The following GPC6 variants were observed in gnomAD, a reference collection of about 807,000 sequenced individuals.
GPC6 encodes the protein glypican-6.
A neutral mutation model predicts 55.2 loss-of-function variants in GPC6; 14 were observed. The ratio of observed to expected loss-of-function variants is 0.25; its 90% CI spans 0.17 to 0.40. The LOEUF is 0.40. GPC6 is among the 10% of genes least tolerant of loss of function. The pLI is 1.00. For missense variants in GPC6, 641 were observed against 708.5 expected, an observed-to-expected ratio of 0.90 and a Z score of 1.08; for synonymous variants, 278 against 259.6, an observed-to-expected ratio of 1.07 and a Z score of -0.68.
At chr13:94,088,567 G>A (rs1343885721) in intron 4 of GPC6, among the ~76,000 whole-genome samples, 1 of 104,116 alleles carries the variant, frequency 9.6e-6, no homozygotes, top group Non-Finnish European at 2.1e-5. Context: ...AAGGGCAGGG[G>A]AGGGGAAGGG....
chr13:93,235,579 G>A (rs914873835), intron 1 of GPC6, among the ~76,000 whole-genome samples: 2 of 152,050 alleles, frequency 1.3e-5, no homozygotes, highest in African/African-American at 4.8e-5. Context: ...CTCAGAGGAG[G>A]ATGAGAGGAG....
intron 1 of GPC6, among the ~76,000 whole-genome samples, chr13:93,363,501 A>C (rs1253985199): frequency 6.6e-6 from 1 of 151,920 alleles, no homozygotes; most frequent in Non-Finnish European, 1.5e-5. Flanking sequence ...TCCATGGTGT[A>C]TATGTGCCAC....
chr13:93,245,853 G>A (rs988399821), intron 1 of GPC6, among the ~76,000 whole-genome samples: 2 of 152,176 alleles, frequency 1.3e-5, no homozygotes, highest in Non-Finnish European at 2.9e-5. Context: ...AGCAGAATGG[G>A]ACCAGAGCAG....
At chr13:94,149,622 T>C (rs1249535984) in intron 4 of GPC6, among the ~76,000 whole-genome samples, 1 of 152,104 alleles carries the variant, frequency 6.6e-6, no homozygotes, top group African/African-American at 2.4e-5. Context: ...GGAATCGTGA[T>C]GTTTCCTAAT....
chr13:93,787,232 A>T (rs1209894265), intron 2 of GPC6, among the ~76,000 whole-genome samples: 1 of 152,196 alleles, frequency 6.6e-6, no homozygotes, highest in Non-Finnish European at 1.5e-5. Flanking sequence ...AAAATAAACA[A>T]ATACTACTTT....
chr13:93,468,660 G>T lies in GPC6; in HGVS notation c.161-76603G>T, dbSNP rs559445977. ...ATATTCAGCAATGCACACAGCCCTA[G>T]AGAAGAGCATGCATAATATTCAGGC... On this transcript the variant is annotated intron_variant, in intron 1 of 8. Coordinates refer to ENST00000377047, the MANE Select transcript of GPC6 (RefSeq NM_005708.5). Among the ~76,000 whole-genome samples, 13 of 152,218 alleles carry T rather than the reference G, an allele frequency of 8.5e-5. 2 individuals are homozygous for T. Among genetic ancestry groups the T allele is most frequent in the African/African-American group, 3.1e-4 (13 of 41,542 alleles).
At chr13:93,876,083 T>C (rs972584309) in intron 3 of GPC6, among the ~76,000 whole-genome samples, 1 of 151,994 alleles carries the variant, frequency 6.6e-6, no homozygotes, top group Non-Finnish European at 1.5e-5. Flanking sequence ...ATCAAACAAA[T>C]AGCTTGTGTC....
At chr13:93,638,290 C>T (rs986772531) in intron 2 of GPC6, among the ~76,000 whole-genome samples, 1 of 152,026 alleles carries the variant, frequency 6.6e-6, no homozygotes, top group African/African-American at 2.4e-5. Context: ...AGGCATAGCC[C>T]TTTTATGCAA....
At chr13:94,116,765 G>C (rs1886446075) in intron 4 of GPC6, among the ~76,000 whole-genome samples, 1 of 152,006 alleles carries the variant, frequency 6.6e-6, no homozygotes, top group Non-Finnish European at 1.5e-5. Context: ...CAGTTGCCTA[G>C]ACACTGCCTT....
chr13:93,872,350 G>A (rs1889155540), intron 3 of GPC6, among the ~76,000 whole-genome samples: 1 of 151,918 alleles, frequency 6.6e-6, no homozygotes, highest in African/African-American at 2.4e-5. Context: ...ATTAAGAATA[G>A]CAACAGTTGT....
intron 6 of GPC6, among the ~76,000 whole-genome samples, chr13:94,361,997 C>T (rs557818569): frequency 6.6e-6 from 1 of 152,140 alleles, no homozygotes; most frequent in Non-Finnish European, 1.5e-5. Flanking sequence ...TTTTACTGTT[C>T]TGGATCTAAG....
chr13:94,187,724 G>C (rs1889251929), intron 4 of GPC6: 1 of 151,494 alleles, frequency 6.6e-6, no homozygotes, highest in African/African-American at 2.4e-5. Flanking sequence ...AGAGTCCAGT[G>C]GAAAGGAAAA....
chr13:94,026,556 G>A (rs953392487), intron 3 of GPC6, among the ~76,000 whole-genome samples: 1 of 151,964 alleles, frequency 6.6e-6, no homozygotes, highest in Non-Finnish European at 1.5e-5. Context: ...AATGAATATG[G>A]CAACAATTTT....
chr13:93,678,847 A>G (rs1429098065), intron 2 of GPC6, among the ~76,000 whole-genome samples: 2 of 152,036 alleles, frequency 1.3e-5, no homozygotes, highest in African/African-American at 4.8e-5. Flanking sequence ...TGGAATGGAC[A>G]ACCTGGGTCC....
chr13:94,032,705 G>A (rs1390551160), intron 4 of GPC6, among the ~76,000 whole-genome samples: 1 of 152,180 alleles, frequency 6.6e-6, no homozygotes, highest in Non-Finnish European at 1.5e-5. Context: ...GGGGAAGCCA[G>A]CAAAGCCGCT....
intron 1 of GPC6, among the ~76,000 whole-genome samples, chr13:93,358,477 A>G (rs1428569061): frequency 6.6e-6 from 1 of 152,162 alleles, no homozygotes; most frequent in Non-Finnish European, 1.5e-5. Context: ...AATGAGGACA[A>G]TGAGACACAA....
chr13:93,330,370 A>G (rs1278244827), intron 1 of GPC6, among the ~76,000 whole-genome samples: 7 of 152,098 alleles, frequency 4.6e-5, no homozygotes, highest in Non-Finnish European at 1.0e-4. Flanking sequence ...ACCAAGAAAA[A>G]GAAAAAGCCA....
intron 2 of GPC6, among the ~76,000 whole-genome samples, chr13:93,562,637 T>G (rs1875873362): frequency 6.6e-6 from 1 of 152,226 alleles, no homozygotes; most frequent in African/African-American, 2.4e-5. Context: ...GGTTTTCTGA[T>G]AAAGAAAAAG....
chr13:94,264,924 A>G (rs916165526), intron 4 of GPC6, among the ~76,000 whole-genome samples: 1 of 152,238 alleles, frequency 6.6e-6, no homozygotes, highest in Non-Finnish European at 1.5e-5. Context: ...AAAATCCTAT[A>G]TAAAGCCATC....
Sources: allele counts gnomAD v4.1 joint callset (sites outside exome capture counted in the v4.1 genomes callset), GRCh38; gene constraint gnomAD v4.1.1; transcripts MANE v1.5; gene names NCBI Gene and HGNC (gene_info 2026-07-23, HGNC 2026-07-21).